FAT4: variants seen among roughly 807,000 people sequenced by gnomAD.
FAT4 encodes protocadherin Fat 4.
FAT4 carries 84 observed loss-of-function variants against 303.9 expected under a neutral mutation model. The ratio of observed to expected loss-of-function variants is 0.28; its 90% CI spans 0.23 to 0.33. The LOEUF (loss-of-function observed/expected upper bound fraction) is 0.33, where lower values mean the gene tolerates loss of function less well. FAT4 is among the 10% of genes least tolerant of loss of function. The pLI, the probability that FAT4 is intolerant of heterozygous loss-of-function variation, is 1.00. For synonymous variants in FAT4, 2,307 were observed against 2,298.8 expected (o/e 1.00, Z -0.10); for missense variants, 6,005 against 6,146.8 (o/e 0.98, Z 0.77).
intron 5 of FAT4, among the ~76,000 whole-genome samples, chr4:125,410,274 A>G (rs1734791547): frequency 1.3e-5 from 2 of 152,146 alleles, no homozygotes; most frequent in South Asian, 2.1e-4. Context: ...TGTTGCTAGT[A>G]ACAATACTTT....
intron 2 of FAT4, among the ~76,000 whole-genome samples, chr4:125,370,667 G>T (rs1265645581): frequency 6.6e-6 from 1 of 152,138 alleles, no homozygotes; most frequent in East Asian, 1.9e-4. Context: ...ATTGTGTAAG[G>T]TAAACCTGAT....
At chr4:125,398,111 A>G (rs1296474901) in intron 2 of FAT4, among the ~76,000 whole-genome samples, 1 of 152,144 alleles carries the variant, frequency 6.6e-6, no homozygotes, top group Non-Finnish European at 1.5e-5. Context: ...ATTTTTTCTT[A>G]GGTGAGGAAG....
In FAT4 at chr4:125,448,597, A is replaced by G. The variant is rs1426416307; in HGVS notation, c.7587A>G (p.Pro2529=). ...PLRGAIMAAG[P]LNGASEVTFS... ...GGGGAGCCATTATGGCCGCCGGACC[A>G]CTAAACGGAGCTTCAGAAGTGACAT... The change falls in exon 10 of 18, where the codon CCA becomes CCG. Residue 2529 remains proline (P), a synonymous_variant. Coordinates refer to ENST00000394329, the MANE Select transcript of FAT4 (RefSeq NM_001291303.3). The G allele has an allele frequency of 6.2e-7, 1 of 1,613,874 alleles. No homozygotes were observed. The highest frequency in any genetic ancestry group is 1.3e-5 in the African/African-American group (1 of 74,894).
At chr4:125,399,488 A>T (rs1030799098) in intron 3 of FAT4, among the ~76,000 whole-genome samples, 4 of 151,950 alleles carry the variant, frequency 2.6e-5, no homozygotes, top group African/African-American at 4.8e-5. Context: ...CTGGAGTTTA[A>T]GGAAGAGAAG....
chr4:125,316,446 C>T lies in FAT4; in HGVS notation c.35C>T (p.Pro12Leu), dbSNP rs1274476604. The change falls in exon 2 of 18, where the codon CCG (proline) becomes CTG (leucine). Residue 12 changes from proline to leucine, a missense_variant. Physicochemically the swap from Pro to Leu is moderately conservative, Grantham distance 98. Coordinates refer to ENST00000394329, the MANE Select transcript of FAT4 (RefSeq NM_001291303.3). This position sits in a 1 kb window ranked among gnomAD's most constrained non-coding sequence, Gnocchi z 5.7. ...GCACCAGACAGGGCTACTGGCCGCCCGTGGCTCCCGTTGCACACTCTATCA... is the reference window on the plus strand; with the variant it reads ...GCACCAGACAGGGCTACTGGCCGCCTGTGGCTCCCGTTGCACACTCTATCA... The part of the protein sequence containing the change: ...DLAPDRATGR[P>L]WLPLHTLSVS... 9.3e-6 allele frequency: 15 copies of T among 1,613,194 alleles called. No homozygotes were observed. Among genetic ancestry groups the T allele is most frequent in the Non-Finnish European group, 1.2e-5 (14 of 1,179,538 alleles).
intron 2 of FAT4, among the ~76,000 whole-genome samples, chr4:125,380,189 G>T (rs1435792563): frequency 1.3e-5 from 2 of 152,112 alleles, no homozygotes; most frequent in Non-Finnish European, 2.9e-5. Flanking sequence ...CACCGCGCCT[G>T]GTGTTCACTC....
In FAT4 at chr4:125,415,689, C is replaced by T; in HGVS notation, c.6726C>T (p.Thr2242=). Reference sequence around the variant, plus strand: ...GAGGCAGCACACCCAGAACTGATACCTCCACGGTCAGCATTGTTCTACTGG... The same window carrying T: ...GAGGCAGCACACCCAGAACTGATACTTCCACGGTCAGCATTGTTCTACTGG... The part of the protein sequence containing the change: ...TDRGSTPRTD[T]STVSIVLLDI... The change falls in exon 6 of 18, where the codon ACC becomes ACT. Residue 2242 remains threonine, a synonymous_variant. Transcript: ENST00000394329. 6.2e-7 allele frequency: 1 copy of T among 1,613,988 alleles called. No homozygotes were observed.
intron 8 of FAT4, among the ~76,000 whole-genome samples, chr4:125,443,032 A>G (rs750992156): frequency 3.3e-5 from 5 of 152,172 alleles, no homozygotes; most frequent in Non-Finnish European, 5.9e-5. Context: ...TTTAAGTGCT[A>G]TTCATGGGGT....
chr4:125,463,781 G>C (rs765875615), intron 11 of FAT4, 114 bp downstream of exon 11: 2 of 540,342 alleles, frequency 3.7e-6, no homozygotes, highest in Non-Finnish European at 6.5e-6. Context: ...TACATGGAAG[G>C]TTTTATTAAA....
intron 2 of FAT4, among the ~76,000 whole-genome samples, chr4:125,386,982 G>C (rs1040265401): frequency 1.3e-5 from 2 of 152,240 alleles, no homozygotes; most frequent in South Asian, 2.1e-4. Context: ...TTCTCATAAA[G>C]AGCGTGCAAC....
chr4:125,447,873 G>C (rs191002714), intron 9 of FAT4, among the ~76,000 whole-genome samples: 1 of 151,990 alleles, frequency 6.6e-6, no homozygotes, highest in African/African-American at 2.4e-5. Context: ...ATCTGTGTAT[G>C]TATATACACA....
chr4:125,447,448 T>C (rs969588811), intron 9 of FAT4, among the ~76,000 whole-genome samples: 3 of 152,098 alleles, frequency 2.0e-5, no homozygotes, highest in Admixed American at 2.0e-4. Flanking sequence ...AAAGGAAATG[T>C]CAGTATCAAA....
At chr4:125,358,326 AG>A (rs1732516173) in intron 2 of FAT4, among the ~76,000 whole-genome samples, 1 of 152,058 alleles carries the variant, frequency 6.6e-6, no homozygotes, top group African/African-American at 2.4e-5. Context: ...GGATGATTCA[AG>A]TGCATTACAT....
chr4:125,331,160 G>A (rs1436168005), intron 2 of FAT4, among the ~76,000 whole-genome samples: 1 of 152,036 alleles, frequency 6.6e-6, no homozygotes, highest in Non-Finnish European at 1.5e-5. Flanking sequence ...TGTTTATTCT[G>A]TTTATGGTGT....
In FAT4 at chr4:125,398,830, C is replaced by T; in HGVS notation, c.5222C>T (p.Pro1741Leu). ...QDINDNPPVF[P>L]TDMLDLTVEE... ...ATCAATGACAATCCACCAGTATTTC[C>T]AACGGACATGCTGGATCTCACGGTA... Residue 1741 changes from proline to leucine, a missense_variant, in exon 3 of 18, where the codon CCA (proline) becomes CTA (leucine). Pro to Leu is a moderately conservative substitution (Grantham distance 98). Transcript: ENST00000394329. 6.2e-7 allele frequency: 1 copy of T among 1,613,138 alleles called. No homozygotes were observed. Among genetic ancestry groups the T allele is most frequent in the Non-Finnish European group, 8.5e-7 (1 of 1,179,342 alleles).
chr4:125,355,403 C>T (rs1404528656), intron 2 of FAT4, among the ~76,000 whole-genome samples: 1 of 151,872 alleles, frequency 6.6e-6, no homozygotes, highest in Admixed American at 6.6e-5. Flanking sequence ...AGATATAATT[C>T]CAAATGCATG....
chr4:125,457,643 A>G (rs938771777), intron 10 of FAT4, among the ~76,000 whole-genome samples: 14 of 152,040 alleles, frequency 9.2e-5, no homozygotes, highest in Admixed American at 7.9e-4. Flanking sequence ...TAATATCACC[A>G]TATGAAGCTT....
intron 2 of FAT4, among the ~76,000 whole-genome samples, chr4:125,372,408 T>A (rs1401577814): frequency 6.6e-6 from 1 of 150,664 alleles, no homozygotes; most frequent in Non-Finnish European, 1.5e-5. Flanking sequence ...ATATCAATAG[T>A]AATGACACTA....
At chr4:125,406,045 C>T (rs1443600150) in intron 3 of FAT4, among the ~76,000 whole-genome samples, 1 of 152,026 alleles carries the variant, frequency 6.6e-6, no homozygotes, top group African/African-American at 2.4e-5. Context: ...CACTTGTCTG[C>T]TTTTGCTTAT....
Sources: allele counts gnomAD v4.1 joint callset (sites outside exome capture counted in the v4.1 genomes callset), GRCh38; gene constraint gnomAD v4.1.1; non-coding constraint Gnocchi (gnomAD v3.1); transcripts MANE v1.5; gene names NCBI Gene and HGNC (gene_info 2026-07-23, HGNC 2026-07-21).